Variants in NADSYN1 observed in about 807,000 individuals in gnomAD.
The protein encoded by NADSYN1 is NAD synthetase 1.
A neutral mutation model predicts 99.3 loss-of-function variants in NADSYN1; 80 were observed. The observed-to-expected ratio is 0.81, with a 90% CI of 0.67 to 0.97. NADSYN1 has a LOEUF of 0.97. Among genes scored for constraint, NADSYN1 ranks in the 50% least tolerant of loss-of-function variants. The pLI, the probability that NADSYN1 is intolerant of heterozygous loss-of-function variation, is 0.00. For missense variants in NADSYN1, 859 were observed against 948.5 expected, an observed-to-expected ratio of 0.91 and a Z score of 1.24; for synonymous variants, 385 against 372.1, an observed-to-expected ratio of 1.03 and a Z score of -0.40.
intron 5 of NADSYN1, chr11:71,464,470 T>A: frequency 4.2e-6 from 1 of 237,192 alleles, no homozygotes. Flanking sequence ...ATGAAGAGGC[T>A]GAAGTGGAGT....
In NADSYN1 at chr11:71,473,682, G is replaced by T. The variant is rs1949644986; in HGVS notation, c.662G>T (p.Ser221Ile). Residue 221 changes from serine to isoleucine, a missense_variant, in exon 8 of 21, where the codon AGC (serine) becomes ATC (isoleucine). Transcript: ENST00000319023. ...TRVDLVTMVTSKNGGIYLLAN... is the reference protein window; with the variant it reads ...TRVDLVTMVTIKNGGIYLLAN... Reference sequence around the variant, plus strand: ...GTGGATCTCGTGACTATGGTCACCAGCAAGGTAGGGGCTGGGCCAGGGAGC... The same window carrying T: ...GTGGATCTCGTGACTATGGTCACCATCAAGGTAGGGGCTGGGCCAGGGAGC... 1.2e-6 allele frequency: 2 copies of T among 1,610,138 alleles called. No homozygotes were observed. The highest frequency in any genetic ancestry group is 1.7e-6 in the Non-Finnish European group (2 of 1,177,514).
At chr11:71,472,531 A>T (rs1949633966) in intron 6 of NADSYN1, 31 bp downstream of exon 6, 1 of 1,598,694 alleles carries the variant, frequency 6.3e-7, no homozygotes. Context: ...CCCGTTTTTC[A>T]GTCGGTTGTC....
chr11:71,473,007 G>T (rs1282556003), intron 6 of NADSYN1, among the ~76,000 whole-genome samples: 1 of 152,188 alleles, frequency 6.6e-6, no homozygotes, highest in Non-Finnish European at 1.5e-5. Context: ...GCCCCAATTG[G>T]CAGCCCCATC....
At position 71,485,563 on chromosome 11, in the gene NADSYN1, G is replaced by T; in HGVS notation, c.1477G>T (p.Ala493Ser). The change falls in exon 16 of 21, where the codon GCC becomes TCC. Residue 493 changes from alanine (A) to serine (S), a missense_variant. Physicochemically the swap from Ala to Ser is moderately conservative, Grantham distance 99. Coordinates refer to ENST00000319023, the MANE Select transcript of NADSYN1 (RefSeq NM_018161.5). ...NVQARIRMVL[A>S]YLFAQLSLWS... ...CCAGGCTCGAATACGGATGGTCCTC[G>T]CCTATCTGTTTGCTCAGTTGAGCCT... The T allele has an allele frequency of 1.3e-6, 2 of 1,560,304 alleles. No individual in the cohort carries two copies. Among genetic ancestry groups the T allele is most frequent in the Non-Finnish European group, 1.7e-6 (2 of 1,151,514 alleles).
chr11:71,475,706 C>T (rs1949660735), intron 9 of NADSYN1: 2 of 253,560 alleles, frequency 7.9e-6, no homozygotes, highest in Admixed American at 5.2e-5. Flanking sequence ...TTGGGCCACT[C>T]TCCCTTTCGG....
rs770596736 is a variant in NADSYN1 at position 71,473,246 on chromosome 11, G to A, written c.460-32G>A. The stretch of plus-strand genomic sequence containing the variant: ...GTGGCCCAGACAGGGCATGGCTAGT[G>A]AATCTCATGCACTCTTCTCTTCCGA... On this transcript the variant is annotated intron_variant, in intron 6 of 20. Transcript: ENST00000319023. 13 of 1,600,710 alleles carry A rather than the reference G, an allele frequency of 8.1e-6. No homozygotes were observed. In the Admixed American group the frequency reaches 2.2e-4, roughly 27 times the overall value.
In NADSYN1 at chr11:71,464,104, C is replaced by T. The variant is rs1162828759; in HGVS notation, c.369C>T (p.Tyr123=). 2 of 1,612,290 alleles carry T rather than the reference C, an allele frequency of 1.2e-6. No homozygotes were observed. Among genetic ancestry groups the T allele is most frequent in the East Asian group, 4.5e-5 (2 of 44,834 alleles). The change falls in exon 5 of 21, where the codon TAC becomes TAT. Residue 123 remains tyrosine (Y), a synonymous_variant. Transcript: ENST00000319023. ...PKMALANEGN[Y]RELRWFTPWS... is the part of the protein sequence containing the mutation. ...TGGCCTTGGCCAATGAAGGCAACTA[C>T]CGCGAGCTGCGCTGGTTCACCCCGT...
At position 71,454,997 on chromosome 11, in the gene NADSYN1, G is replaced by A. The variant is rs913327833; in HGVS notation, c.86-113G>A. The A allele has an allele frequency of 4.5e-5, 32 of 706,790 alleles. 1 individual carries two copies. The South Asian group carries it at 5.3e-4, about 12-fold the overall frequency. The allele number at this position is 706,790 out of a possible 1,614,324, so 43.8% of individuals were successfully genotyped here. A position where few individuals can be genotyped will look rare whatever the true frequency, so the allele number is the denominator to read the frequency against. ...GTCTGGGAAGGCACAGAGCATTTTTGTTTGTTGTTTGTTTTTTTTTTTATC... is the reference window on the plus strand; with the variant it reads ...GTCTGGGAAGGCACAGAGCATTTTTATTTGTTGTTTGTTTTTTTTTTTATC... On this transcript the variant is annotated intron_variant, in intron 1 of 20. Coordinates refer to ENST00000319023, the MANE Select transcript of NADSYN1 (RefSeq NM_018161.5).
chr11:71,456,342 A>C (rs1361900608), intron 2 of NADSYN1, among the ~76,000 whole-genome samples: 1 of 152,222 alleles, frequency 6.6e-6, no homozygotes, highest in Non-Finnish European at 1.5e-5. Context: ...TTCTTTAAGA[A>C]ATTCTTCACC....
chr11:71,463,109 T>TGGAAGG (rs897163733), intron 3 of NADSYN1, among the ~76,000 whole-genome samples: 1 of 152,056 alleles, frequency 6.6e-6, no homozygotes, highest in Non-Finnish European at 1.5e-5. Flanking sequence ...TAAGGCAATT[T>TGGAAGG]GGAAGGGGAA....
At position 71,491,804 on chromosome 11, in the gene NADSYN1, C is replaced by T. The variant is rs750923896; in HGVS notation, c.1695-30C>T. ...AGCTCACACCACCCTCGCAGCTGCA[C>T]TGACCGACCTCTGTGTGTTTTGGCT... On this transcript the variant is annotated intron_variant, in intron 17 of 20. Coordinates refer to ENST00000319023, the MANE Select transcript of NADSYN1 (RefSeq NM_018161.5). 2.5e-6 allele frequency: 4 copies of T among 1,611,194 alleles called. No homozygotes were observed. The African/African-American group carries it at 5.3e-5, about 22-fold the overall frequency.
rs1454256628 is a variant in NADSYN1, at chr11:71,501,394, A to G, written c.*42A>G. On this transcript the variant is annotated 3_prime_UTR_variant, in exon 21 of 21. Coordinates refer to ENST00000319023, the MANE Select transcript of NADSYN1 (RefSeq NM_018161.5). Reference sequence around the variant, plus strand: ...GAGGCCTCCTGTCCTCGGGGACCCCAGCACCTCATCATCAGCATTGCTGGA... The same window carrying G: ...GAGGCCTCCTGTCCTCGGGGACCCCGGCACCTCATCATCAGCATTGCTGGA... The G allele has an allele frequency of 1.3e-6, 2 of 1,561,402 alleles. No homozygotes were observed. The highest frequency in any genetic ancestry group is 8.7e-7 in the Non-Finnish European group (1 of 1,150,690).
intron 1 of NADSYN1, 41 bp downstream of exon 1, chr11:71,453,422 A>T (rs745874169): frequency 6.4e-7 from 1 of 1,570,146 alleles, no homozygotes; most frequent in East Asian, 2.3e-5. Flanking sequence ...GGGGTGGCGC[A>T]CGGGCACCGT....
chr11:71,465,949 C>T (rs1276548863), intron 5 of NADSYN1, among the ~76,000 whole-genome samples: 16 of 152,094 alleles, frequency 1.1e-4, no homozygotes, highest in African/African-American at 3.6e-4. Flanking sequence ...CCAGTATTTG[C>T]ACCTCTTGGT....
At chr11:71,481,892 C>T in intron 12 of NADSYN1, 31 bp from the exon 13 acceptor site, 1 of 1,596,844 alleles carries the variant, frequency 6.3e-7, no homozygotes, top group Non-Finnish European at 8.6e-7. Flanking sequence ...CTCCGAGGCT[C>T]TGCTCACGCT....
Position 71,453,333 on chromosome 11 carries a change from A to C in NADSYN1, c.37A>C (p.Asn13His). 6.2e-7 allele frequency: 1 copy of C among 1,613,868 alleles called. No homozygotes were observed. The highest frequency in any genetic ancestry group is 1.1e-5 in the South Asian group (1 of 91,064). The change falls in exon 1 of 21, where the codon AAC (asparagine) becomes CAC (histidine). Residue 13 changes from asparagine to histidine, a missense_variant. Transcript: ENST00000319023. ...RKVTVATCALNQWALDFEGNL... is the reference protein window; with the variant it reads ...RKVTVATCALHQWALDFEGNL... ...GGTGACCGTGGCCACCTGCGCACTC[A>C]ACCAGTGGGCCCTGGACTTCGAGGG...
intron 6 of NADSYN1, 134 bp from the exon 7 acceptor site, chr11:71,473,144 C>A (rs7935125): frequency 0.61 from 513,253 of 835,408 alleles, 175,486 homozygotes; most frequent in Non-Finnish European, 0.75. Context: ...AGGGCACCCA[C>A]CTCTTCGGAA....
In NADSYN1 at chr11:71,453,370, GA is replaced by G. The variant is rs774386781; in HGVS notation, c.76del (p.Ile26PhefsTer2). The G allele has an allele frequency of 6.2e-7, 1 of 1,613,764 alleles. No homozygotes were observed. Among genetic ancestry groups the G allele is most frequent in the Non-Finnish European group, 8.5e-7 (1 of 1,179,752 alleles). On this transcript the variant is annotated frameshift_variant, in exon 1 of 21. Transcript: ENST00000319023. LOFTEE classifies it high-confidence loss of function. ...CTGGACTTCGAGGGCAATTTGCAAAGAATTTTAAAGAGTGAGTCTGGGGCGG... is the reference window on the plus strand; with the variant it reads ...CTGGACTTCGAGGGCAATTTGCAAAGATTTTAAAGAGTGAGTCTGGGGCGG... Reference protein sequence around the residue: ...WALDFEGNLQRILKSIEIAKN... With the variant: ...WALDFEGNLQXILKSIEIAKN...
Position 71,497,587 on chromosome 11 carries a change from G to C in NADSYN1, c.1869G>C (p.Trp623Cys). The C allele has an allele frequency of 6.2e-7, 1 of 1,614,178 alleles. No homozygotes were observed. The highest frequency in any genetic ancestry group is 8.5e-7 in the Non-Finnish European group (1 of 1,180,048). ...TGTTCTGCAAACTCCTCGGCATGTG[G>C]AGACACATCTGCACCCCGAGACAGG... ...YSMFCKLLGM[W>C]RHICTPRQVA... Residue 623 changes from tryptophan to cysteine, a missense_variant, in exon 19 of 21, where the codon TGG (tryptophan) becomes TGC (cysteine). Trp to Cys is a radical substitution (Grantham distance 215). Coordinates refer to ENST00000319023, the MANE Select transcript of NADSYN1 (RefSeq NM_018161.5).
Sources: gnomAD v4.1 joint callset for allele counts (sites outside exome capture counted in the v4.1 genomes callset) on GRCh38, gnomAD v4.1.1 for gene constraint, MANE v1.5 for transcripts, NCBI Gene and HGNC (gene_info 2026-07-23, HGNC 2026-07-21) for gene names.